The following ZNF311 variants were observed in gnomAD, a reference collection of about 807,000 sequenced individuals.
ZNF311 encodes zinc finger protein 311.
In ZNF311, 14 loss-of-function variants were observed where a neutral mutation model predicts 22.7. The observed-to-expected ratio is 0.62, with a 90% CI of 0.41 to 0.96. The LOEUF (loss-of-function observed/expected upper bound fraction) is 0.96. Ranked by LOEUF, ZNF311 falls within the 40% of genes least tolerant of loss-of-function variation. The probability of loss-of-function intolerance (pLI) is 0.00; values close to 1 mark genes in which losing one functional copy is unlikely to be tolerated. For synonymous variants in ZNF311, 250 were observed against 275.3 expected (o/e 0.91, Z 0.91); for missense variants, 731 against 799.0 (o/e 0.91, Z 1.03).
At chr6:28,997,558 C>T (rs1229161154) in intron 6 of ZNF311, among the ~76,000 whole-genome samples, 1 of 152,208 alleles carries the variant, frequency 6.6e-6, no homozygotes, top group Non-Finnish European at 1.5e-5. Context: ...CCTCAAACAT[C>T]CTTTACCCTG....
At position 28,995,546 on chromosome 6, in the gene ZNF311, G is replaced by T; in HGVS notation, c.1456C>A (p.Arg486Ser). 1 of 1,613,712 alleles carries T rather than the reference G, an allele frequency of 6.2e-7. No homozygotes were observed. Among genetic ancestry groups the T allele is most frequent in the Non-Finnish European group, 8.5e-7 (1 of 1,179,996 alleles). Residue 486 changes from arginine to serine, a missense_variant, in exon 7 of 7, where the codon CGC becomes AGC. By Grantham distance (110) the Arg-to-Ser change is moderately radical. Transcript: ENST00000377179. The surrounding 1 kb of genome is among the most constrained non-coding windows in gnomAD (Gnocchi z 4.7). ...CGKAFRHNCKRRAHEREHTGE... is the reference protein window; with the variant it reads ...CGKAFRHNCKSRAHEREHTGE... ...GTATGCTCTCGTTCATGAGCCCTGC[G>T]CTTACAGTTATGACGAAAGGCTTTC... is the stretch of plus-strand genomic sequence containing the variant.
chr6:28,997,051 T>C (rs1403679128), intron 6 of ZNF311, among the ~76,000 whole-genome samples: 2 of 152,178 alleles, frequency 1.3e-5, no homozygotes, highest in Non-Finnish European at 2.9e-5. Context: ...GCCCATCTGG[T>C]TGGGGCAGAT....
intron 3 of ZNF311, among the ~76,000 whole-genome samples, chr6:29,002,160 T>C (rs1433817109): frequency 6.6e-6 from 1 of 152,136 alleles, no homozygotes; most frequent in African/African-American, 2.4e-5. Flanking sequence ...AAAAACAACA[T>C]AAAACTTTTT....
rs770928483 is a variant in ZNF311 at position 28,995,091 on chromosome 6, C to T, written c.1911G>A (p.Trp637Ter). ...TGHKKRKHQV[W>*]STHELDGSRK... ...TACTCCCATCAAGTTCATGGGTACT[C>T]CATACTTGATGTTTTCTTTTCTTAT... The change falls in exon 7 of 7, where the codon TGG becomes TGA. Residue 637 changes from tryptophan (W) to a stop codon, truncating the protein, a stop_gained. Transcript: ENST00000377179. LOFTEE classifies it low-confidence loss of function (END_TRUNC). The surrounding 1 kb of genome is among the most constrained non-coding windows in gnomAD (Gnocchi z 4.7). 1 of 1,613,772 alleles carries T rather than the reference C, an allele frequency of 6.2e-7. No homozygotes were observed. Among genetic ancestry groups the T allele is most frequent in the African/African-American group, 1.3e-5 (1 of 75,054 alleles).
At chr6:28,997,756 T>C (rs1189403195) in intron 6 of ZNF311, among the ~76,000 whole-genome samples, 2 of 152,218 alleles carry the variant, frequency 1.3e-5, no homozygotes, top group Non-Finnish European at 2.9e-5. Context: ...AATCCTAGTA[T>C]GACAGTTAAT....
In ZNF311 at chr6:28,999,202, C is replaced by G. The variant is rs115429349; in HGVS notation, c.310+285G>C. ...TCTTGACTAGGAGCGGAATATAGAA[C>G]ACCCCATAAAAAAATGAGAGGCTTG... is the stretch of plus-strand genomic sequence containing the variant. On this transcript the variant is annotated intron_variant, in intron 5 of 6. Transcript: ENST00000377179. Among the ~76,000 whole-genome samples the G allele has an allele frequency of 9.1e-3, 1,372 of 151,024 alleles. 13 individuals are homozygous for G. Among genetic ancestry groups the G allele is most frequent in the African/African-American group, 0.027 (1,128 of 41,210 alleles).
At chr6:28,999,846 G>C in intron 4 of ZNF311, 110 bp downstream of exon 4, 1 of 1,299,278 alleles carries the variant, frequency 7.7e-7, no homozygotes, top group Non-Finnish European at 1.1e-6. Flanking sequence ...CCTTATGAGA[G>C]GGAGAACATT....
chr6:29,004,602 CTCTGCTG>C (rs1780929636), intron 1 of ZNF311, among the ~76,000 whole-genome samples: 3 of 152,098 alleles, frequency 2.0e-5, no homozygotes, highest in Non-Finnish European at 4.4e-5. Flanking sequence ...CATTTCATCG[CTCTGCTG>C]AAAACTCTCC....
At position 28,995,122 on chromosome 6, in the gene ZNF311, G is replaced by A; in HGVS notation, c.1880C>T (p.Thr627Ile). Reference sequence around the variant, plus strand: ...TTGATGTTTTCTTTTCTTATGTCCAGTAAGATTTGAGCTCACTCTAAAAGC... The same window carrying A: ...TTGATGTTTTCTTTTCTTATGTCCAATAAGATTTGAGCTCACTCTAAAAGC... ...GKAFRVSSNL[T>I]GHKKRKHQVW... Residue 627 changes from threonine (T) to isoleucine (I), a missense_variant, in exon 7 of 7, where the codon ACT (threonine) becomes ATT (isoleucine). Transcript: ENST00000377179. The surrounding 1 kb of genome is among the most constrained non-coding windows in gnomAD (Gnocchi z 4.7). 6.2e-7 allele frequency: 1 copy of A among 1,613,980 alleles called. No homozygotes were observed. Among genetic ancestry groups the A allele is most frequent in the Non-Finnish European group, 8.5e-7 (1 of 1,180,036 alleles).
chr6:28,996,874 T>C (rs1381026964), intron 6 of ZNF311, among the ~76,000 whole-genome samples: 1 of 152,222 alleles, frequency 6.6e-6, no homozygotes, highest in Non-Finnish European at 1.5e-5. Context: ...AAAATAATCT[T>C]CAACTCTGTC....
At chr6:28,997,538 T>C (rs1779786582) in intron 6 of ZNF311, among the ~76,000 whole-genome samples, 2 of 152,102 alleles carry the variant, frequency 1.3e-5, no homozygotes, top group Admixed American at 1.3e-4. Context: ...TTCTCACTAA[T>C]TGCTATATCC....
rs1015369072 is a variant in ZNF311, at chr6:28,999,473, G to T, written c.310+14C>A. On this transcript the variant is annotated intron_variant, in intron 5 of 6. Transcript: ENST00000377179. ...AAGAAGGTAGAAAGCATTAAGTGTA[G>T]GGAAGGTCCTTACCAAGTGATACCA... 1 of 1,603,064 alleles carries T rather than the reference G, an allele frequency of 6.2e-7. No homozygotes were observed. Among genetic ancestry groups the T allele is most frequent in the Non-Finnish European group, 8.5e-7 (1 of 1,176,476 alleles).
At chr6:28,999,431 CAATT>C (rs1384491840) in intron 5 of ZNF311, 52 bp downstream of exon 5, 5 of 1,476,050 alleles carry the variant, frequency 3.4e-6, no homozygotes, top group African/African-American at 2.8e-5. Context: ...ATAAATAAAT[CAATT>C]AAATAATAAA....
chr6:28,998,627 G>A, intron 6 of ZNF311, 107 bp downstream of exon 6: 1 of 710,894 alleles, frequency 1.4e-6, no homozygotes, highest in Non-Finnish European at 2.3e-6. Flanking sequence ...TCCTAAATGG[G>A]TTTCCTTTCT....
intron 3 of ZNF311, among the ~76,000 whole-genome samples, chr6:29,000,921 T>C (rs572187497): frequency 6.6e-6 from 1 of 152,070 alleles, no homozygotes; most frequent in South Asian, 2.1e-4. Context: ...GGACTACAGG[T>C]GCCCACCACC....
At chr6:29,003,466 C>A in intron 3 of ZNF311, 47 bp downstream of exon 3, 1 of 1,585,304 alleles carries the variant, frequency 6.3e-7, no homozygotes, top group East Asian at 2.2e-5. Flanking sequence ...GTCCTTACTA[C>A]ATTCTCAGCT....
rs1780245008 is a variant in ZNF311, at chr6:29,000,176, C to G, written c.92-129G>C. On this transcript the variant is annotated intron_variant, in intron 3 of 6. Coordinates refer to ENST00000377179, the MANE Select transcript of ZNF311 (RefSeq NM_001382360.1). ...CCTAGGGCTTTAGGCTACTGCCTTA[C>G]AGTATCCTTCCTCTTCATTATTTTT... is the stretch of plus-strand genomic sequence containing the variant. 4 of 793,152 alleles carry G rather than the reference C, an allele frequency of 5.0e-6. No individual in the cohort carries two copies. In the South Asian group the frequency reaches 7.3e-5, roughly 15 times the overall value. The allele number at this position is 793,152 out of a possible 1,614,324, so 49.1% of individuals were successfully genotyped here. A position where few individuals can be genotyped will look rare whatever the true frequency, so the allele number is the denominator to read the frequency against.
rs147350549 is a variant in ZNF311, at chr6:28,996,632, A to G, written c.416-46T>C. 2,353 of 1,532,608 alleles carry G rather than the reference A, an allele frequency of 1.5e-3. 14 individuals carry two copies. In the African/African-American group the frequency reaches 0.018, roughly 12 times the overall value. The allele number at this position is 1,532,608 out of a possible 1,614,324, so 94.9% of individuals were successfully genotyped here. A position where few individuals can be genotyped will look rare whatever the true frequency, so the allele number is the denominator to read the frequency against. ...TGTCAGAGGGAAGGAAATAAGTGAGATGGGAGGCGTGAAGCAATGTTAAGC... is the reference window on the plus strand; with the variant it reads ...TGTCAGAGGGAAGGAAATAAGTGAGGTGGGAGGCGTGAAGCAATGTTAAGC... On this transcript the variant is annotated intron_variant, in intron 6 of 6. Coordinates refer to ENST00000377179, the MANE Select transcript of ZNF311 (RefSeq NM_001382360.1).
chr6:29,000,110 C>T lies in ZNF311; in HGVS notation c.92-63G>A, dbSNP rs181563111. 80 of 1,468,514 alleles carry T rather than the reference C, an allele frequency of 5.4e-5. 1 individual carries two copies. The South Asian group carries it at 5.6e-4, about 10-fold the overall frequency. The allele number at this position is 1,468,514 out of a possible 1,614,324, so 91.0% of individuals were successfully genotyped here. On this transcript the variant is annotated intron_variant, in intron 3 of 6. Coordinates refer to ENST00000377179, the MANE Select transcript of ZNF311 (RefSeq NM_001382360.1). Reference sequence around the variant, plus strand: ...CAGTATTAATGAAATCTCCTGCATTCGTCTTCTCTTCCTCAAATGTAGAAG... The same window carrying T: ...CAGTATTAATGAAATCTCCTGCATTTGTCTTCTCTTCCTCAAATGTAGAAG...
Sources: allele counts gnomAD v4.1 joint callset (sites outside exome capture counted in the v4.1 genomes callset), GRCh38; gene constraint gnomAD v4.1.1; non-coding constraint Gnocchi (gnomAD v3.1); transcripts MANE v1.5; gene names NCBI Gene and HGNC (gene_info 2026-07-23, HGNC 2026-07-21).